Variants in SANBR observed in about 807,000 individuals in gnomAD.
SANBR encodes the protein SANT and BTB domain regulator of CSR.
SANBR carries 77 observed loss-of-function variants against 101.8 expected under a neutral mutation model. The observed-to-expected ratio is 0.76, with a 90% CI of 0.63 to 0.91. The LOEUF (loss-of-function observed/expected upper bound fraction) is 0.91, where lower values mean the gene tolerates loss of function less well. SANBR is among the 40% of genes least tolerant of loss of function. SANBR has a pLI of 0.00. For missense variants in SANBR, 875 were observed against 853.0 expected, an observed-to-expected ratio of 1.03 and a Z score of -0.32; for synonymous variants, 279 against 274.7, an observed-to-expected ratio of 1.02 and a Z score of -0.15.
chr2:61,112,281 T>C (rs1031516556), intron 16 of SANBR, among the ~76,000 whole-genome samples: 2 of 152,180 alleles, frequency 1.3e-5, no homozygotes, highest in Non-Finnish European at 2.9e-5. Flanking sequence ...TTCTAGTGGG[T>C]AGATAGTGTT....
At chr2:61,092,942 T>A (rs1438560480) in intron 11 of SANBR, among the ~76,000 whole-genome samples, 1 of 151,926 alleles carries the variant, frequency 6.6e-6, no homozygotes. Context: ...GACCATCCTA[T>A]CTAACATGGT....
intron 1 of SANBR, among the ~76,000 whole-genome samples, chr2:61,067,440 T>C (rs926517873): frequency 6.6e-6 from 1 of 152,090 alleles, no homozygotes; most frequent in Non-Finnish European, 1.5e-5. Flanking sequence ...CCAAACAAAT[T>C]ATAATAAAAC....
At chr2:61,111,041 C>G (rs1486492464) in intron 16 of SANBR, among the ~76,000 whole-genome samples, 4 of 152,116 alleles carry the variant, frequency 2.6e-5, no homozygotes, top group East Asian at 1.9e-4. Flanking sequence ...GGGACATTCT[C>G]TTAGAGAATT....
chr2:61,086,335 T>A (rs1317259913), intron 8 of SANBR, among the ~76,000 whole-genome samples: 1 of 151,786 alleles, frequency 6.6e-6, no homozygotes, highest in Non-Finnish European at 1.5e-5. Context: ...AACCTCTTTT[T>A]TAAATTAAAT....
Position 61,122,157 on chromosome 2 carries a change from G to T in SANBR, c.2152G>T (p.Ala718Ser). 1 of 1,549,422 alleles carries T rather than the reference G, an allele frequency of 6.5e-7. No individual in the cohort carries two copies. The highest frequency in any genetic ancestry group is 1.2e-5 in the South Asian group (1 of 83,798). Reference sequence around the variant, plus strand: ...AAGTCGTTTTGGTCAAGGGCGTCCTGCATAAAGTACCTTAAAATATAAGTA... The same window carrying T: ...AAGTCGTTTTGGTCAAGGGCGTCCTTCATAAAGTACCTTAAAATATAAGTA... ...SKSRFGQGRP[A>S] The change falls in exon 22 of 22, where the codon GCA becomes TCA. Residue 718 changes from alanine (A) to serine (S), a missense_variant. By Grantham distance (99) the Ala-to-Ser change is moderately conservative (BLOSUM62 1). Coordinates refer to ENST00000402291, the MANE Select transcript of SANBR (RefSeq NM_001129993.3).
chr2:61,072,199 A>G (rs916790540), intron 4 of SANBR, among the ~76,000 whole-genome samples: 2 of 152,100 alleles, frequency 1.3e-5, no homozygotes, highest in Non-Finnish European at 2.9e-5. Context: ...TCAGCTTCCC[A>G]AAGTGTTGGG....
intron 20 of SANBR, among the ~76,000 whole-genome samples, chr2:61,119,776 G>C (rs1559143989): frequency 2.0e-5 from 3 of 152,030 alleles, no homozygotes; most frequent in Non-Finnish European, 4.4e-5. Flanking sequence ...TGGGCGACAT[G>C]ATGAAACCCT....
chr2:61,119,874 A>T (rs1319938215), intron 20 of SANBR, among the ~76,000 whole-genome samples: 2 of 152,190 alleles, frequency 1.3e-5, no homozygotes, highest in Non-Finnish European at 2.9e-5. Flanking sequence ...AAGTAGGAGG[A>T]TCGCTTGAGC....
At chr2:61,102,860 C>T (rs1369814489) in intron 12 of SANBR, among the ~76,000 whole-genome samples, 1 of 151,950 alleles carries the variant, frequency 6.6e-6, no homozygotes, top group African/African-American at 2.4e-5. Context: ...ATTTAAATGT[C>T]TGACCAAGTG....
chr2:61,117,639 C>G, intron 19 of SANBR, 99 bp downstream of exon 19: 2 of 1,118,272 alleles, frequency 1.8e-6, no homozygotes, highest in South Asian at 1.4e-5. Flanking sequence ...TCTAGAGTTT[C>G]TAGCTAAAGT....
At chr2:61,118,877 T>A (rs984454770) in intron 20 of SANBR, among the ~76,000 whole-genome samples, 15 of 152,196 alleles carry the variant, frequency 9.9e-5, no homozygotes, top group Non-Finnish European at 1.6e-4. Context: ...TGTATTTTTT[T>A]ATATTCTGTA....
chr2:61,106,642 A>G lies in SANBR; in HGVS notation c.1591A>G (p.Lys531Glu). The stretch of plus-strand genomic sequence containing the variant: ...GGAGCCAAATACACCATGGGGTCCC[A>G]AAACTGGGGAGCTCAATGCTGTGAG... ...LLEPNTPWGP[K>E]TGELNAFLSL... Residue 531 changes from lysine (K) to glutamate (E), a missense_variant, in exon 14 of 22, where the codon AAA (lysine) becomes GAA (glutamate). Transcript: ENST00000402291. 6.3e-7 allele frequency: 1 copy of G among 1,588,988 alleles called. No individual in the cohort carries two copies. Among genetic ancestry groups the G allele is most frequent in the Non-Finnish European group, 8.5e-7 (1 of 1,170,648 alleles).
At chr2:61,121,162 A>G (rs1684314966) in intron 20 of SANBR, 23 bp from the exon 21 acceptor site, 3 of 1,484,860 alleles carry the variant, frequency 2.0e-6, no homozygotes, top group African/African-American at 1.4e-5. Context: ...TGAAGATAAC[A>G]GTATTGCTTC....
At chr2:61,117,597 T>C in intron 19 of SANBR, 57 bp downstream of exon 19, 2 of 1,424,326 alleles carry the variant, frequency 1.4e-6, no homozygotes, top group Admixed American at 1.7e-5. Context: ...ATGATTGGTG[T>C]GTGTTTCATT....
At chr2:61,111,666 A>G (rs1683836722) in intron 16 of SANBR, among the ~76,000 whole-genome samples, 1 of 152,244 alleles carries the variant, frequency 6.6e-6, no homozygotes, top group Non-Finnish European at 1.5e-5. Flanking sequence ...ATAAAAATCT[A>G]GAACATCATT....
rs58753839 is a variant in SANBR at position 61,104,482 on chromosome 2, C to CA, written c.1511+496dup. Among the ~76,000 whole-genome samples, 514 of 142,124 alleles carry CA rather than the reference C, an allele frequency of 3.6e-3. 1 individual carries two copies. The highest frequency in any genetic ancestry group is 5.5e-3 in the South Asian group (24 of 4,354). The allele number at this position is 142,124 out of a possible 152,430, so 93.2% of individuals were successfully genotyped here. A position where few individuals can be genotyped will look rare whatever the true frequency, so the allele number is the denominator to read the frequency against. On this transcript the variant is annotated intron_variant, in intron 13 of 21. Coordinates refer to ENST00000402291, the MANE Select transcript of SANBR (RefSeq NM_001129993.3). ...GGGTGACAGAGCAAAAAAAAAAGAGCAAAAAAAAAAAAGAAAAGAGCCCTT... is the reference window on the plus strand; with the variant it reads ...GGGTGACAGAGCAAAAAAAAAAGAGCAAAAAAAAAAAAAGAAAAGAGCCCTT...
intron 8 of SANBR, among the ~76,000 whole-genome samples, chr2:61,085,336 A>G (rs541752878): frequency 1.3e-5 from 2 of 150,540 alleles, no homozygotes; most frequent in Non-Finnish European, 3.0e-5. Flanking sequence ...GTCAAGGTTC[A>G]TTTTTTTTTC....
intron 11 of SANBR, among the ~76,000 whole-genome samples, chr2:61,094,599 C>T (rs1037338968): frequency 6.7e-6 from 1 of 148,632 alleles, no homozygotes; most frequent in Non-Finnish European, 1.5e-5. Context: ...TTCCTGTGAA[C>T]ATAGGTTTTT....
At chr2:61,121,297 C>T (rs1199955396) in intron 21 of SANBR, 21 bp downstream of exon 21, 1 of 1,526,804 alleles carries the variant, frequency 6.5e-7, no homozygotes, top group Admixed American at 2.0e-5. Flanking sequence ...ATAAACTAAA[C>T]CAGAGTGTCA....
Sources: allele counts gnomAD v4.1 joint callset (sites outside exome capture counted in the v4.1 genomes callset), GRCh38; gene constraint gnomAD v4.1.1; transcripts MANE v1.5; gene names NCBI Gene and HGNC (gene_info 2026-07-23, HGNC 2026-07-21).